ZMAT1: variants seen among roughly 807,000 people sequenced by gnomAD.
The protein encoded by ZMAT1 is zinc finger matrin-type 1.
Under a neutral mutation model 18.5 loss-of-function variants are expected in ZMAT1, and 11 were observed. The ratio of observed to expected loss-of-function variants is 0.59; its 90% CI spans 0.37 to 0.98. The LOEUF (loss-of-function observed/expected upper bound fraction) is 0.98, where lower values mean the gene tolerates loss of function less well. ZMAT1 is among the 50% of genes least tolerant of loss of function. The pLI, the probability that ZMAT1 is intolerant of heterozygous loss-of-function variation, is 0.01. For synonymous variants in ZMAT1, 211 were observed against 176.4 expected (o/e 1.20, Z -1.55); for missense variants, 525 against 496.2 (o/e 1.06, Z -0.55).
chrX:101,925,408 C>A (rs911270480), intron 1 of ZMAT1, among the ~76,000 whole-genome samples: 1 of 111,867 alleles, frequency 8.9e-6, no homozygotes, highest in Non-Finnish European at 1.9e-5. Context: ...GAAAATAAAT[C>A]TTTCATAATA....
intron 5 of ZMAT1, among the ~76,000 whole-genome samples, chrX:101,886,143 CATATT>C (rs1926928945): frequency 8.9e-6 from 1 of 112,046 alleles, no homozygotes. Context: ...GCACCTTACA[CATATT>C]ATATTTCATC....
In ZMAT1 at chrX:101,884,068, T is replaced by C. The variant is rs201220471; in HGVS notation, c.1530A>G (p.Ser510=). ...KLPCETFQTY[S]GPYSISQVVE... is the part of the protein sequence containing the mutation. Reference sequence around the variant, plus strand: ...CTACTTGTGAAATACTATATGGTCCTGAATAGGTCTGGAAAGTCTCACATG... The same window carrying C: ...CTACTTGTGAAATACTATATGGTCCCGAATAGGTCTGGAAAGTCTCACATG... The change falls in exon 6 of 6, where the codon TCA becomes TCG. Residue 510 remains serine, a synonymous_variant. Transcript: ENST00000651725. 5.0e-6 allele frequency: 6 copies of C among 1,209,726 alleles called. No individual in the cohort carries two copies. Among genetic ancestry groups the C allele is most frequent in the Non-Finnish European group, 5.6e-6 (5 of 895,201 alleles).
chrX:101,915,333 A>G (rs1929249498), intron 1 of ZMAT1, among the ~76,000 whole-genome samples: 2 of 54,157 alleles, frequency 3.7e-5, no homozygotes, highest in Admixed American at 1.5e-4. Context: ...AGTCCTAGCT[A>G]GAGCAATCAA....
rs764501380 is a variant in ZMAT1, at chrX:101,886,650, C to T, written c.758G>A (p.Gly253Glu). The T allele has an allele frequency of 2.2e-5, 27 of 1,202,868 alleles. No individual in the cohort carries two copies. The Admixed American group carries it at 6.0e-4, about 27-fold the overall frequency. ...TACTTACTTAATTTGATGTTCACTT[C>T]CTTGCATGTGGGACCGGAACATATC... ...SLDMFRSHMQ[G>E]SEHQIKESIV... Residue 253 changes from glycine to glutamate, a missense_variant, in exon 5 of 6, where the codon GGA becomes GAA. By Grantham distance (98) the Gly-to-Glu change is moderately conservative. Coordinates refer to ENST00000651725, the MANE Select transcript of ZMAT1 (RefSeq NM_001394560.1).
intron 1 of ZMAT1, chrX:101,911,953 C>G: frequency 1.7e-6 from 2 of 1,196,756 alleles, no homozygotes; most frequent in Non-Finnish European, 2.3e-6. Context: ...GGCAGAGCAC[C>G]CACCTCACTC....
At position 101,882,838 on chromosome X, in the gene ZMAT1, A is replaced by C. The variant is rs771755149; in HGVS notation, c.*672T>G. ...TAGAGATTAAAGTAGCCATCCACCT[A>C]GAAAAATTACAATAACATGAATTTT... On this transcript the variant is annotated 3_prime_UTR_variant, in exon 6 of 6. Coordinates refer to ENST00000651725, the MANE Select transcript of ZMAT1 (RefSeq NM_001394560.1). 1.3e-4 allele frequency: 14 copies of C among 111,178 alleles called. No homozygotes were observed. Among genetic ancestry groups the C allele is most frequent in the Non-Finnish European group, 9.5e-5 (5 of 52,866 alleles). The allele number at this position is 111,178 out of a possible 1,213,427, so 9.2% of individuals were successfully genotyped here. A position where few individuals can be genotyped will look rare whatever the true frequency, so the allele number is the denominator to read the frequency against.
chrX:101,921,247 C>T (rs1054429463), intron 1 of ZMAT1, among the ~76,000 whole-genome samples: 7 of 111,574 alleles, frequency 6.3e-5, no homozygotes, highest in Non-Finnish European at 1.3e-4. Flanking sequence ...GGATCCACTC[C>T]AGACTAATTA....
chrX:101,890,398 G>A (rs1175107326), intron 4 of ZMAT1, among the ~76,000 whole-genome samples: 1 of 111,876 alleles, frequency 8.9e-6, no homozygotes, highest in Non-Finnish European at 1.9e-5. Context: ...AAGTTGTGAT[G>A]GATCTTTGAG....
chrX:101,898,491 A>G (rs898729152), intron 2 of ZMAT1, among the ~76,000 whole-genome samples: 1 of 112,066 alleles, frequency 8.9e-6, no homozygotes, highest in Admixed American at 9.4e-5. Flanking sequence ...ACAGATCTTG[A>G]GCAATGTACC....
chrX:101,883,484 A>T lies in ZMAT1; in HGVS notation c.*26T>A. On this transcript the variant is annotated 3_prime_UTR_variant, in exon 6 of 6. Transcript: ENST00000651725. ...ATTGACTGTTTTTTTTTTTCAATTC[A>T]ACCTTGGGTAAACAAAACTAAACAT... 1 of 1,108,485 alleles carries T rather than the reference A, an allele frequency of 9.0e-7. No homozygotes were observed. Among genetic ancestry groups the T allele is most frequent in the South Asian group, 2.3e-5 (1 of 43,927 alleles). 91.4% of individuals were successfully genotyped at this position (1,108,485 alleles called of 1,213,427 possible).
rs767437292 is a variant in ZMAT1 at position 101,883,690 on chromosome X, C to T, written c.1908G>A (p.Arg636=). Reference sequence around the variant, plus strand: ...CCTTGACTCTATCCTCCTCTCTTTTCCTTTGTCTGATGCTCTTGTCTTTGT... The same window carrying T: ...CCTTGACTCTATCCTCCTCTCTTTTTCTTTGTCTGATGCTCTTGTCTTTGT... ...DLDKDKSIRQ[R]KREEDRVKVS... Residue 636 remains arginine, a synonymous_variant, in exon 6 of 6, where the codon AGG becomes AGA. Coordinates refer to ENST00000651725, the MANE Select transcript of ZMAT1 (RefSeq NM_001394560.1). The T allele has an allele frequency of 5.0e-6, 6 of 1,207,882 alleles. No individual in the cohort carries two copies. Among genetic ancestry groups the T allele is most frequent in the Non-Finnish European group, 6.7e-6 (6 of 894,565 alleles).
At chrX:101,890,311 G>T (rs185721797) in intron 4 of ZMAT1, 3 of 112,014 alleles carry the variant, frequency 2.7e-5, no homozygotes, top group East Asian at 2.8e-4. Flanking sequence ...GGCTATAATT[G>T]TATCAATTGT....
At position 101,882,837 on chromosome X, in the gene ZMAT1, T is replaced by C. The variant is rs911639103; in HGVS notation, c.*673A>G. 1 of 111,097 alleles carries C rather than the reference T, an allele frequency of 9.0e-6. No homozygotes were observed. The highest frequency in any genetic ancestry group is 3.8e-4 in the South Asian group (1 of 2,620). 9.2% of individuals were successfully genotyped at this position (111,097 alleles called of 1,213,427 possible). On this transcript the variant is annotated 3_prime_UTR_variant, in exon 6 of 6. Transcript: ENST00000651725. ...TTAGAGATTAAAGTAGCCATCCACC[T>C]AGAAAAATTACAATAACATGAATTT...
At chrX:101,919,239 T>A (rs1211520143) in intron 1 of ZMAT1, among the ~76,000 whole-genome samples, 1 of 111,595 alleles carries the variant, frequency 9.0e-6, no homozygotes, top group East Asian at 2.8e-4. Flanking sequence ...CAAAGTATTA[T>A]GGTAGATATT....
At chrX:101,928,998 T>C (rs1346775190) in intron 1 of ZMAT1, among the ~76,000 whole-genome samples, 1 of 111,209 alleles carries the variant, frequency 9.0e-6, no homozygotes, top group Non-Finnish European at 1.9e-5. Context: ...TGAGTGTATA[T>C]GTGTCTTTTC....
intron 2 of ZMAT1, among the ~76,000 whole-genome samples, chrX:101,902,809 A>G (rs780409645): frequency 6.3e-5 from 7 of 111,899 alleles, no homozygotes; most frequent in Non-Finnish European, 1.3e-4. Context: ...GACACAAAAG[A>G]AATATTAATA....
At chrX:101,885,824 TG>T (rs1399640320) in intron 5 of ZMAT1, among the ~76,000 whole-genome samples, 1 of 110,467 alleles carries the variant, frequency 9.1e-6, no homozygotes, top group African/African-American at 3.3e-5. Flanking sequence ...GCTGTGACCA[TG>T]GGTACATGCC....
rs1375046969 is a variant in ZMAT1 at position 101,931,967 on chromosome X, C to T, written c.42G>A (p.Glu14=). 3.9e-6 allele frequency: 3 copies of T among 772,161 alleles called. No individual in the cohort carries two copies. Among genetic ancestry groups the T allele is most frequent in the African/African-American group, 2.3e-5 (1 of 44,139 alleles). 63.6% of individuals were successfully genotyped at this position (772,161 alleles called of 1,213,427 possible). Reference sequence around the variant, plus strand: ...AGACGGTAGCTTCCTGAGGGGAAGACTCCGCCGCCAGCGGGGTGACTGTGC... The same window carrying T: ...AGACGGTAGCTTCCTGAGGGGAAGATTCCGCCGCCAGCGGGGTGACTGTGC... ...APSTVTPLAA[E]SSPQEATVSA... is the part of the protein sequence containing the mutation. The change falls in exon 1 of 6, where the codon GAG becomes GAA. Residue 14 remains glutamate (E), a synonymous_variant. Transcript: ENST00000651725.
At chrX:101,918,179 T>C (rs1417986311) in intron 1 of ZMAT1, among the ~76,000 whole-genome samples, 1 of 111,332 alleles carries the variant, frequency 9.0e-6, no homozygotes, top group Non-Finnish European at 1.9e-5. Context: ...CAAACAGTAA[T>C]TGGGTTGTTT....
Sources: gnomAD v4.1 joint callset for allele counts (sites outside exome capture counted in the v4.1 genomes callset) on GRCh38, gnomAD v4.1.1 for gene constraint, MANE v1.5 for transcripts, NCBI Gene and HGNC (gene_info 2026-07-23, HGNC 2026-07-21) for gene names.